INPP5F: variants seen among roughly 807,000 people sequenced by gnomAD.
INPP5F encodes the protein phosphatidylinositide 4-phosphatase SAC2.
INPP5F carries 97 observed loss-of-function variants against 137.2 expected under a neutral mutation model. That is an observed-to-expected ratio of 0.71 (90% CI 0.60 to 0.84). The LOEUF (loss-of-function observed/expected upper bound fraction) is 0.84. Among genes scored for constraint, INPP5F ranks in the 40% least tolerant of loss-of-function variants. The pLI, the probability that INPP5F is intolerant of heterozygous loss-of-function variation, is 0.00. For missense variants in INPP5F, 1,271 were observed against 1,371.9 expected (o/e 0.93, Z 1.16); for synonymous variants, 504 against 476.9 (o/e 1.06, Z -0.74).
chr10:119,745,130 T>C (rs186917175), intron 1 of INPP5F, among the ~76,000 whole-genome samples: 86 of 152,224 alleles, frequency 5.6e-4, no homozygotes, highest in Admixed American at 5.6e-3. Flanking sequence ...CTGTATACGC[T>C]ATCCTTTCTG....
At chr10:119,738,548 A>G (rs1711730755) in intron 1 of INPP5F, among the ~76,000 whole-genome samples, 1 of 152,166 alleles carries the variant, frequency 6.6e-6, no homozygotes, top group South Asian at 2.1e-4. Flanking sequence ...CATTTGCTGC[A>G]TATGCCTGGA....
chr10:119,727,066 T>C (rs1330615302), intron 1 of INPP5F, among the ~76,000 whole-genome samples: 1 of 152,214 alleles, frequency 6.6e-6, no homozygotes, highest in Non-Finnish European at 1.5e-5. Flanking sequence ...TTAGCTTGCT[T>C]TAGGAAAATG....
Position 119,827,723 on chromosome 10 carries a change from G to A in INPP5F, c.3342G>A (p.Gln1114=). Residue 1114 remains glutamine, a synonymous_variant, in exon 20 of 20, where the codon CAG becomes CAA. Coordinates refer to ENST00000650623, the MANE Select transcript of INPP5F (RefSeq NM_014937.4). ...AACCTGAAATCATTAATCAAGTCCA[G>A]CAAAATGAACTTAAAAAGATGTTTA... ...PPEPEIINQV[Q]QNELKKMFIQ... is the part of the protein sequence containing the mutation. The A allele has an allele frequency of 6.2e-7, 1 of 1,613,580 alleles. No homozygotes were observed. Among genetic ancestry groups the A allele is most frequent in the Non-Finnish European group, 8.5e-7 (1 of 1,179,690 alleles).
In INPP5F at chr10:119,822,224, A is replaced by G. The variant is rs148054372; in HGVS notation, c.1959-207A>G. The stretch of plus-strand genomic sequence containing the variant: ...TTTTAACTGTTAGATGTGTAAACTT[A>G]TTTTCCCTTAGCTGTTGAACTATAT... On this transcript the variant is annotated intron_variant, in intron 16 of 19. Coordinates refer to ENST00000650623, the MANE Select transcript of INPP5F (RefSeq NM_014937.4). Among the ~76,000 whole-genome samples, 74 of 151,912 alleles carry G rather than the reference A, an allele frequency of 4.9e-4. No individual in the cohort carries two copies. In the East Asian group the frequency reaches 0.01, roughly 21 times the overall value.
chr10:119,828,051 G>A lies in INPP5F; in HGVS notation c.*271G>A. 6.7e-6 allele frequency: 2 copies of A among 299,344 alleles called. No individual in the cohort carries two copies. Among genetic ancestry groups the A allele is most frequent in the South Asian group, 9.0e-5 (2 of 22,284 alleles). 18.5% of individuals were successfully genotyped at this position (299,344 alleles called of 1,614,324 possible). A position where few individuals can be genotyped will look rare whatever the true frequency, so the allele number is the denominator to read the frequency against. On this transcript the variant is annotated 3_prime_UTR_variant, in exon 20 of 20. Transcript: ENST00000650623. ...GTAATTCAGCAACAGGTCACTTTGGGATATAACCTGAACCTTTTTTTGGAG... is the reference window on the plus strand; with the variant it reads ...GTAATTCAGCAACAGGTCACTTTGGAATATAACCTGAACCTTTTTTTGGAG...
intron 12 of INPP5F, among the ~76,000 whole-genome samples, chr10:119,807,645 C>G (rs1850847874): frequency 6.6e-6 from 1 of 152,208 alleles, no homozygotes. Context: ...TATTCAGTTT[C>G]ACTTCATAGG....
intron 12 of INPP5F, among the ~76,000 whole-genome samples, chr10:119,807,435 T>C (rs1342242233): frequency 6.6e-6 from 1 of 152,184 alleles, no homozygotes; most frequent in African/African-American, 2.4e-5. Flanking sequence ...TACAAAGAAC[T>C]TAACCTTTCC....
chr10:119,751,334 GT>G (rs1344590358), intron 2 of INPP5F, among the ~76,000 whole-genome samples, 178 bp downstream of exon 2: 6 of 152,172 alleles, frequency 3.9e-5, no homozygotes, highest in African/African-American at 1.2e-4. Context: ...GGAGCTTACA[GT>G]TTAGGAGGAA....
chr10:119,747,203 T>G (rs1315691246), intron 1 of INPP5F, among the ~76,000 whole-genome samples: 1 of 152,214 alleles, frequency 6.6e-6, no homozygotes, highest in East Asian at 1.9e-4. Context: ...TTAGATAAAT[T>G]CTAAATTTTT....
chr10:119,771,643 A>T (rs541743451), intron 2 of INPP5F, among the ~76,000 whole-genome samples: 1 of 151,650 alleles, frequency 6.6e-6, no homozygotes, highest in Non-Finnish European at 1.5e-5. Context: ...AAGTGTATAG[A>T]CTACATTTCT....
At chr10:119,751,924 C>A (rs1848701994) in intron 2 of INPP5F, among the ~76,000 whole-genome samples, 1 of 152,116 alleles carries the variant, frequency 6.6e-6, no homozygotes, top group African/African-American at 2.4e-5. Context: ...AGCCACCATG[C>A]CTGGCCTAAA....
chr10:119,795,042 C>T (rs868300364), intron 6 of INPP5F, among the ~76,000 whole-genome samples: 12 of 135,700 alleles, frequency 8.8e-5, no homozygotes, highest in Admixed American at 2.1e-4. Flanking sequence ...CCCCCCACCT[C>T]CCTCCCGGAT....
At chr10:119,744,633 C>T (rs1158760196) in intron 1 of INPP5F, among the ~76,000 whole-genome samples, 1 of 152,082 alleles carries the variant, frequency 6.6e-6, no homozygotes, top group Non-Finnish European at 1.5e-5. Flanking sequence ...CTCACTGCAG[C>T]CTCAAATTCC....
At chr10:119,776,620 G>T (rs1032073013) in intron 2 of INPP5F, among the ~76,000 whole-genome samples, 1 of 151,972 alleles carries the variant, frequency 6.6e-6, no homozygotes, top group African/African-American at 2.4e-5. Context: ...TGAATCCAGA[G>T]CAAATCAGGG....
At chr10:119,731,447 T>G (rs535630904) in intron 1 of INPP5F, among the ~76,000 whole-genome samples, 10 of 152,280 alleles carry the variant, frequency 6.6e-5, no homozygotes, top group African/African-American at 2.4e-4. Context: ...ATGGATCACT[T>G]GAGGTCAGGA....
At chr10:119,778,874 G>A (rs972120917) in intron 2 of INPP5F, among the ~76,000 whole-genome samples, 1 of 152,094 alleles carries the variant, frequency 6.6e-6, no homozygotes, top group African/African-American at 2.4e-5. Flanking sequence ...CATTCTGGTT[G>A]ATTTGAACTA....
chr10:119,775,009 T>A (rs374062706), intron 2 of INPP5F, among the ~76,000 whole-genome samples: 11 of 152,156 alleles, frequency 7.2e-5, no homozygotes, highest in South Asian at 4.1e-4. Context: ...TAAAAAAAAC[T>A]AAACTAAGTA....
intron 1 of INPP5F, 51 bp from the exon 2 acceptor site, chr10:119,751,025 A>G (rs1302379423): frequency 3.5e-6 from 4 of 1,138,718 alleles, no homozygotes; most frequent in African/African-American, 1.5e-5. Flanking sequence ...TACTGTTTTA[A>G]TATATTTTCT....
At chr10:119,731,981 T>C (rs117526504) in intron 1 of INPP5F, among the ~76,000 whole-genome samples, 39 of 152,178 alleles carry the variant, frequency 2.6e-4, no homozygotes, top group Non-Finnish European at 4.3e-4. Context: ...AAAAGACTTA[T>C]CTTTACAAAG....
Sources: allele counts gnomAD v4.1 joint callset (sites outside exome capture counted in the v4.1 genomes callset), GRCh38; gene constraint gnomAD v4.1.1; transcripts MANE v1.5; gene names NCBI Gene and HGNC (gene_info 2026-07-23, HGNC 2026-07-21).